Variants in CNOT10 observed in about 807,000 individuals in gnomAD.
CNOT10 encodes CCR4-NOT transcription complex, subunit 10.
A neutral mutation model predicts 94.6 loss-of-function variants in CNOT10; 30 were observed. That is an observed-to-expected ratio of 0.32 (90% confidence interval 0.24 to 0.43). CNOT10 has a LOEUF of 0.43. Among genes scored for constraint, CNOT10 ranks in the 20% least tolerant of loss-of-function variants. The pLI is 1.00. For missense variants in CNOT10, 759 were observed against 877.2 expected (o/e 0.87, Z 1.70); for synonymous variants, 289 against 301.6 (o/e 0.96, Z 0.43).
chr3:32,688,972 G>A (rs947597337), intron 1 of CNOT10, among the ~76,000 whole-genome samples: 6 of 152,138 alleles, frequency 3.9e-5, no homozygotes, highest in Admixed American at 1.3e-4. Context: ...TTGGGAGGCC[G>A]AGGTGGCAGA....
intron 1 of CNOT10, among the ~76,000 whole-genome samples, chr3:32,699,272 C>T (rs1697223371): frequency 6.6e-6 from 1 of 152,120 alleles, no homozygotes; most frequent in Non-Finnish European, 1.5e-5. Context: ...AAGCAGTTTG[C>T]AATCTGTTTC....
intron 13 of CNOT10, among the ~76,000 whole-genome samples, chr3:32,741,759 A>G (rs1487522289): frequency 7.1e-6 from 1 of 140,120 alleles, no homozygotes; most frequent in Admixed American, 7.4e-5. Flanking sequence ...ACAGAGCGAG[A>G]CTCCGTCTCA....
chr3:32,724,370 C>T (rs369831590), intron 8 of CNOT10, among the ~76,000 whole-genome samples: 19 of 150,996 alleles, frequency 1.3e-4, no homozygotes, highest in African/African-American at 4.1e-4. Flanking sequence ...CTCAGCCTCC[C>T]GAGTAACTGG....
intron 10 of CNOT10, among the ~76,000 whole-genome samples, chr3:32,731,600 C>G (rs1034244237): frequency 6.6e-6 from 1 of 152,110 alleles, no homozygotes; most frequent in Non-Finnish European, 1.5e-5. Context: ...CTCAGCTTCC[C>G]TAGTAGCTGG....
intron 17 of CNOT10, 187 bp downstream of exon 17, chr3:32,764,996 T>G: frequency 6.6e-7 from 1 of 1,516,032 alleles, no homozygotes; most frequent in Non-Finnish European, 8.8e-7. Flanking sequence ...CCTAGACACT[T>G]AAAGGAAAGT....
At chr3:32,754,487 A>ATATAT (rs1296898874) in intron 13 of CNOT10, among the ~76,000 whole-genome samples, 1,614 of 62,508 alleles carry the variant, frequency 0.026, 85 homozygotes, top group East Asian at 0.064. Context: ...AAAAAAAAAA[A>ATATAT]AAATACATAT....
chr3:32,716,242 C>A lies in CNOT10; in HGVS notation c.591C>A (p.Asn197Lys). The change falls in exon 6 of 19, where the codon AAC becomes AAA. Residue 197 changes from asparagine to lysine, a missense_variant. Around this residue, in one of 3 missense-constraint regions of CNOT10, gnomAD observed 682 missense variants for 799.4 expected, o/e 0.85. Transcript: ENST00000328834. ...NGKNETGNNN[N>K]KDGSNHKAES... The stretch of plus-strand genomic sequence containing the variant: ...CCCTACAGACTGGTAATAACAACAA[C>A]AAAGATGGATCTAATCATAAAGCTG... 1 of 1,593,810 alleles carries A rather than the reference C, an allele frequency of 6.3e-7. No individual in the cohort carries two copies. The highest frequency in any genetic ancestry group is 1.1e-5 in the South Asian group (1 of 88,328).
At chr3:32,705,225 G>A (rs1697559761) in intron 3 of CNOT10, among the ~76,000 whole-genome samples, 1 of 152,108 alleles carries the variant, frequency 6.6e-6, no homozygotes, top group African/African-American at 2.4e-5. Flanking sequence ...GAGCTTTGGA[G>A]TTTTGAGAAA....
chr3:32,738,387 C>T (rs1290909034), intron 13 of CNOT10, among the ~76,000 whole-genome samples: 1 of 152,040 alleles, frequency 6.6e-6, no homozygotes, highest in African/African-American at 2.4e-5. Flanking sequence ...AACCATCTAG[C>T]CTAGGATTTT....
In CNOT10 at chr3:32,769,888, C is replaced by T. The variant is rs375288097; in HGVS notation, c.2006C>T (p.Ala669Val). The change falls in exon 18 of 19, where the codon GCG becomes GTG. Residue 669 changes from alanine to valine, a missense_variant and splice_region_variant. Ala to Val is a moderately conservative substitution (Grantham distance 64). Coordinates refer to ENST00000328834, the MANE Select transcript of CNOT10 (RefSeq NM_015442.3). ...YDKARKCLHQAASMIHPKEVP... is the reference protein window; with the variant it reads ...YDKARKCLHQVASMIHPKEVP... ...GGCATCTTTCTGTTTTGAGCAAAGG[C>T]GGCTTCAATGATCCATCCTAAAGAG... is the stretch of plus-strand genomic sequence containing the variant. The T allele has an allele frequency of 4.2e-5, 68 of 1,613,214 alleles. No homozygotes were observed. The highest frequency in any genetic ancestry group is 2.2e-4 in the Admixed American group (13 of 59,962).
At chr3:32,695,574 G>C (rs1033454380) in intron 1 of CNOT10, 125 of 1,529,054 alleles carry the variant, frequency 8.2e-5, no homozygotes, top group Non-Finnish European at 1.1e-4. Context: ...TGAAAACGTG[G>C]TGCATTTCTT....
intron 4 of CNOT10, among the ~76,000 whole-genome samples, chr3:32,711,284 A>G (rs1231663087): frequency 2.0e-5 from 3 of 152,208 alleles, no homozygotes; most frequent in Admixed American, 2.0e-4. Flanking sequence ...ATGGTGTAGT[A>G]TTTACATACA....
chr3:32,730,562 A>G (rs1698898725), intron 10 of CNOT10: 2 of 152,350 alleles, frequency 1.3e-5, no homozygotes, highest in South Asian at 4.1e-4. Flanking sequence ...AAAAAACAGT[A>G]AAAACAAGCC....
At chr3:32,721,337 C>T (rs1394639662) in intron 8 of CNOT10, among the ~76,000 whole-genome samples, 2 of 149,834 alleles carry the variant, frequency 1.3e-5, no homozygotes, top group African/African-American at 2.4e-5. Context: ...GCTGGGATTA[C>T]AAGTGTGAGC....
At chr3:32,734,196 A>G (rs1376388057) in intron 11 of CNOT10, among the ~76,000 whole-genome samples, 1 of 152,254 alleles carries the variant, frequency 6.6e-6, no homozygotes, top group Non-Finnish European at 1.5e-5. Context: ...ATATTTTTTA[A>G]AACTATTATG....
In CNOT10 at chr3:32,720,248, A is replaced by G. The variant is rs1248449447; in HGVS notation, c.862+17A>G. 1.4e-6 allele frequency: 2 copies of G among 1,401,750 alleles called. No individual in the cohort carries two copies. Among genetic ancestry groups the G allele is most frequent in the Non-Finnish European group, 2.0e-6 (2 of 1,014,136 alleles). 86.8% of individuals were successfully genotyped at this position (1,401,750 alleles called of 1,614,324 possible). A position where few individuals can be genotyped will look rare whatever the true frequency, so the allele number is the denominator to read the frequency against. The stretch of plus-strand genomic sequence containing the variant: ...TGAAAACAGGTAAAAGAAAATTGTG[A>G]AATTTTAACTTTTTTTTGCCTTGCT... On this transcript the variant is annotated intron_variant, in intron 8 of 18. Coordinates refer to ENST00000328834, the MANE Select transcript of CNOT10 (RefSeq NM_015442.3).
At chr3:32,732,606 G>GA (rs537658250) in intron 10 of CNOT10, among the ~76,000 whole-genome samples, 12,936 of 144,154 alleles carry the variant, frequency 0.09, 660 homozygotes, top group Middle Eastern at 0.2. Flanking sequence ...AAAAAGAAAG[G>GA]AAAAAAAAAA....
chr3:32,741,982 TA>T (rs1354335957), intron 13 of CNOT10, among the ~76,000 whole-genome samples: 1 of 151,318 alleles, frequency 6.6e-6, no homozygotes, highest in African/African-American at 2.4e-5. Flanking sequence ...TATTTTATTT[TA>T]TTTTATTTTT....
intron 1 of CNOT10, among the ~76,000 whole-genome samples, chr3:32,694,012 A>G (rs2125494721): frequency 6.6e-6 from 1 of 152,174 alleles, no homozygotes; most frequent in African/African-American, 2.4e-5. Context: ...TATTCTCAGG[A>G]AATTTTTTTT....
Sources: gnomAD v4.1 joint callset for allele counts (sites outside exome capture counted in the v4.1 genomes callset) on GRCh38, gnomAD v4.1.1 for gene constraint, gnomAD v4.1.1 regional missense constraint, MANE v1.5 for transcripts, NCBI Gene and HGNC (gene_info 2026-07-23, HGNC 2026-07-21) for gene names.